Variants in GRIN2B observed in about 807,000 individuals in gnomAD.
GRIN2B encodes glutamate ionotropic receptor NMDA type subunit 2B, also known as glutamate receptor ionotropic, NMDA 2B.
A neutral mutation model predicts 114.5 loss-of-function variants in GRIN2B; 5 were observed. The ratio of observed to expected loss-of-function variants is 0.04; its 90% CI spans 0.02 to 0.09. GRIN2B has a LOEUF of 0.09. Among genes scored for constraint, GRIN2B ranks in the 10% least tolerant of loss-of-function variants. GRIN2B has a pLI of 1.00. For synonymous variants in GRIN2B, 787 were observed against 745.1 expected, an observed-to-expected ratio of 1.06 and a Z score of -0.92; for missense variants, 1,108 against 1,943.5, an observed-to-expected ratio of 0.57 and a Z score of 8.08.
chr12:13,668,566 C>T (rs1423833119), intron 5 of GRIN2B, among the ~76,000 whole-genome samples: 1 of 151,982 alleles, frequency 6.6e-6, no homozygotes, highest in African/African-American at 2.4e-5. Context: ...GCTCAGTGAA[C>T]AAGGAAACAT....
intron 4 of GRIN2B, among the ~76,000 whole-genome samples, chr12:13,750,994 A>G (rs1489971313): frequency 6.6e-6 from 1 of 152,258 alleles, no homozygotes; most frequent in Non-Finnish European, 1.5e-5. Context: ...AGTAATGCCA[A>G]GACTGAAGCC....
intron 10 of GRIN2B, among the ~76,000 whole-genome samples, chr12:13,584,849 G>A (rs1036097609): frequency 3.9e-5 from 6 of 152,208 alleles, no homozygotes; most frequent in Non-Finnish European, 8.8e-5. Flanking sequence ...TGTGTGACAG[G>A]TGGCCTTCGT....
At chr12:13,794,866 C>T (rs1410573323) in intron 3 of GRIN2B, among the ~76,000 whole-genome samples, 1 of 152,210 alleles carries the variant, frequency 6.6e-6, no homozygotes, top group African/African-American at 2.4e-5. Flanking sequence ...ACCTCATTGT[C>T]CTGGGCATCG....
intron 2 of GRIN2B, among the ~76,000 whole-genome samples, chr12:13,902,608 C>T (rs763372750): frequency 6.6e-6 from 1 of 152,078 alleles, no homozygotes; most frequent in Admixed American, 6.5e-5. Context: ...GTCGAGAATT[C>T]GAGACCAGCC....
chr12:13,908,237 T>TG lies in GRIN2B; in HGVS notation c.-18-42012dup, dbSNP rs1370724358. Among the ~76,000 whole-genome samples the TG allele has an allele frequency of 4.6e-5, 7 of 151,326 alleles. No individual in the cohort carries two copies. The East Asian group carries it at 1.4e-3, about 30-fold the overall frequency. ...TATATATTTCAATGAACTACATATT[T>TG]GAAAAAAAAAACAGAAAAGAACATA... On this transcript the variant is annotated intron_variant, in intron 2 of 13. Coordinates refer to ENST00000609686, the MANE Select transcript of GRIN2B (RefSeq NM_000834.5).
At chr12:13,900,106 T>G (rs540103489) in intron 2 of GRIN2B, among the ~76,000 whole-genome samples, 1 of 152,326 alleles carries the variant, frequency 6.6e-6, no homozygotes, top group South Asian at 2.1e-4. Context: ...CTCTACAAGT[T>G]CTTTTCATAT....
At chr12:13,830,500 T>A (rs9988991) in intron 3 of GRIN2B, among the ~76,000 whole-genome samples, 1 of 152,042 alleles carries the variant, frequency 6.6e-6, no homozygotes, top group African/African-American at 2.4e-5. Flanking sequence ...AAAACAAATG[T>A]CCTAATATTC....
chr12:13,728,197 C>A (rs1280096929), intron 4 of GRIN2B, among the ~76,000 whole-genome samples: 1 of 152,172 alleles, frequency 6.6e-6, no homozygotes, highest in Non-Finnish European at 1.5e-5. Context: ...ATTGCAATCA[C>A]TTTGCTTTCA....
chr12:13,788,405 A>G (rs1281098277), intron 3 of GRIN2B, among the ~76,000 whole-genome samples: 1 of 152,176 alleles, frequency 6.6e-6, no homozygotes, highest in Non-Finnish European at 1.5e-5. Context: ...GATACTGTCA[A>G]TCAGAGAAAA....
intron 5 of GRIN2B, among the ~76,000 whole-genome samples, chr12:13,659,302 T>C (rs2136525132): frequency 6.6e-6 from 1 of 152,316 alleles, no homozygotes; most frequent in Non-Finnish European, 1.5e-5. Flanking sequence ...CATTGTCTCA[T>C]CTTTCCCAGT....
intron 5 of GRIN2B, among the ~76,000 whole-genome samples, chr12:13,629,615 C>T (rs993561192): frequency 3.3e-5 from 5 of 151,864 alleles, no homozygotes; most frequent in Non-Finnish European, 5.9e-5. Context: ...TCTCCTTTCC[C>T]TTCCTCTTTC....
chr12:13,858,667 CTTTTT>C (rs142849157), intron 3 of GRIN2B, among the ~76,000 whole-genome samples: 11 of 151,972 alleles, frequency 7.2e-5, no homozygotes, highest in African/African-American at 2.7e-4. Context: ...TAATAATTCA[CTTTTT>C]TTTAACATAT....
At chr12:13,572,421 G>C (rs1948719005) in intron 10 of GRIN2B, among the ~76,000 whole-genome samples, 1 of 152,154 alleles carries the variant, frequency 6.6e-6, no homozygotes, top group Non-Finnish European at 1.5e-5. Context: ...AGTGAGGTGA[G>C]CTATGTGGTA....
At chr12:13,642,388 T>C (rs1330799207) in intron 5 of GRIN2B, among the ~76,000 whole-genome samples, 1 of 152,182 alleles carries the variant, frequency 6.6e-6, no homozygotes, top group Non-Finnish European at 1.5e-5. Context: ...TGCTGGCTTC[T>C]AGTTCCATCT....
Position 13,543,862 on chromosome 12 carries a change from T to C in GRIN2B, c.*18921A>G, listed in dbSNP as rs529903285. On this transcript the variant is annotated 3_prime_UTR_variant, in exon 14 of 14. Transcript: ENST00000609686. ...CTTGCATCTGTGCCCAAATGCACTATCTCCCTGCTATTAATACAAACAAAC... is the reference window on the plus strand; with the variant it reads ...CTTGCATCTGTGCCCAAATGCACTACCTCCCTGCTATTAATACAAACAAAC... 2.0e-5 allele frequency: 3 copies of C among 152,308 alleles called. No homozygotes were observed. Among genetic ancestry groups the C allele is most frequent in the African/African-American group, 7.2e-5 (3 of 41,572 alleles). The allele number at this position is 152,308 out of a possible 1,614,324, so 9.4% of individuals were successfully genotyped here.
chr12:13,712,915 T>C (rs1439146974), intron 4 of GRIN2B, among the ~76,000 whole-genome samples: 2 of 151,868 alleles, frequency 1.3e-5, no homozygotes, highest in Admixed American at 6.6e-5. Flanking sequence ...ACAGTGAAAA[T>C]GTTTCTTGAT....
intron 4 of GRIN2B, among the ~76,000 whole-genome samples, chr12:13,692,756 T>TTTTCTTTC (rs202160966): frequency 1.9e-4 from 13 of 68,702 alleles, no homozygotes; most frequent in African/African-American, 4.4e-4. Flanking sequence ...TTAATCTTTC[T>TTTTCTTTC]TTTCTTTTTT....
intron 5 of GRIN2B, among the ~76,000 whole-genome samples, chr12:13,652,077 T>C (rs1949819233): frequency 6.6e-6 from 1 of 151,972 alleles, no homozygotes; most frequent in Non-Finnish European, 1.5e-5. Context: ...GTATTATGGT[T>C]CTCTGAATCT....
At chr12:13,850,762 A>G (rs1865547971) in intron 3 of GRIN2B, among the ~76,000 whole-genome samples, 1 of 152,204 alleles carries the variant, frequency 6.6e-6, no homozygotes, top group Non-Finnish European at 1.5e-5. Flanking sequence ...GGAGGGCTGA[A>G]TAAATAAAAG....
Sources: allele counts gnomAD v4.1 joint callset (sites outside exome capture counted in the v4.1 genomes callset), GRCh38; gene constraint gnomAD v4.1.1; transcripts MANE v1.5; gene names NCBI Gene and HGNC (gene_info 2026-07-23, HGNC 2026-07-21).